Variants in ARHGEF28 observed in about 807,000 individuals in gnomAD.
ARHGEF28 encodes the protein 190 kDa guanine nucleotide exchange factor.
ARHGEF28 carries 152 observed loss-of-function variants against 206.6 expected under a neutral mutation model. The observed-to-expected ratio is 0.74, with a 90% CI of 0.64 to 0.84. The LOEUF (loss-of-function observed/expected upper bound fraction) is 0.84, where lower values mean the gene tolerates loss of function less well. Among genes scored for constraint, ARHGEF28 ranks in the 40% least tolerant of loss-of-function variants. ARHGEF28 has a pLI of 0.00. For synonymous variants in ARHGEF28, 763 were observed against 776.4 expected, an observed-to-expected ratio of 0.98 and a Z score of 0.29; for missense variants, 2,028 against 2,073.2, an observed-to-expected ratio of 0.98 and a Z score of 0.42.
chr5:73,744,744 A>G (rs901446108), intron 2 of ARHGEF28, among the ~76,000 whole-genome samples: 23 of 152,054 alleles, frequency 1.5e-4, no homozygotes, highest in African/African-American at 5.5e-4. Context: ...GCTGTGTATA[A>G]TACTAGAATC....
At chr5:73,690,190 G>A (rs186298817) in intron 2 of ARHGEF28, among the ~76,000 whole-genome samples, 117 of 152,268 alleles carry the variant, frequency 7.7e-4, no homozygotes, top group Non-Finnish European at 1.4e-3. Flanking sequence ...GACAGCTTAA[G>A]AGGAGAGATT....
intron 22 of ARHGEF28, among the ~76,000 whole-genome samples, chr5:73,880,876 G>C (rs1760877359): frequency 6.6e-6 from 1 of 152,024 alleles, no homozygotes; most frequent in South Asian, 2.1e-4. Context: ...AGGTTGCAGT[G>C]AGCCGAGATC....
At chr5:73,831,528 G>A (rs182980313) in intron 9 of ARHGEF28, among the ~76,000 whole-genome samples, 17 of 152,310 alleles carry the variant, frequency 1.1e-4, no homozygotes, top group African/African-American at 2.4e-4. Flanking sequence ...AAGCAGTACC[G>A]AGCCAGAACT....
At chr5:73,902,716 C>T (rs1336319136) in intron 31 of ARHGEF28, 1 of 152,140 alleles carries the variant, frequency 6.6e-6, no homozygotes. Flanking sequence ...GATAAATCGC[C>T]AACTGCAGTT....
intron 4 of ARHGEF28, among the ~76,000 whole-genome samples, chr5:73,760,367 T>A (rs138487056): frequency 6.6e-6 from 1 of 152,134 alleles, no homozygotes; most frequent in African/African-American, 2.4e-5. Context: ...AGGGGTTTTG[T>A]ATGTTTCTCT....
chr5:73,729,359 G>A (rs1478356194), intron 2 of ARHGEF28, among the ~76,000 whole-genome samples: 1 of 152,196 alleles, frequency 6.6e-6, no homozygotes, highest in Non-Finnish European at 1.5e-5. Context: ...GGATGACCAT[G>A]TATAGTGCTG....
intron 1 of ARHGEF28, among the ~76,000 whole-genome samples, chr5:73,631,459 C>G (rs978946252): frequency 2.0e-5 from 3 of 152,172 alleles, no homozygotes; most frequent in African/African-American, 7.2e-5. Context: ...GGGTTCTTTA[C>G]TTTGAGCCTC....
intron 22 of ARHGEF28, among the ~76,000 whole-genome samples, chr5:73,879,920 C>T (rs2048364597): frequency 6.6e-6 from 1 of 152,178 alleles, no homozygotes; most frequent in South Asian, 2.1e-4. Context: ...TCTCAGATCT[C>T]CAGCTGTGTG....
intron 2 of ARHGEF28, among the ~76,000 whole-genome samples, chr5:73,738,287 A>G (rs879082688): frequency 1.3e-5 from 2 of 152,170 alleles, no homozygotes; most frequent in African/African-American, 2.4e-5. Flanking sequence ...TAGCAGTGTG[A>G]TGGAACCTAG....
rs567317378 is a variant in ARHGEF28, at chr5:73,684,795, T to C, written c.-11-46T>C. 10 of 1,579,796 alleles carry C rather than the reference T, an allele frequency of 6.3e-6. No homozygotes were observed. In the Admixed American group the frequency reaches 8.6e-5, roughly 14 times the overall value. On this transcript the variant is annotated intron_variant, in intron 1 of 35. Coordinates refer to ENST00000513042, the MANE Select transcript of ARHGEF28 (RefSeq NM_001177693.2). ...TGGAGAGCTCTGCTGGTCGGTTCCA[T>C]GGGGCCTCCTGCAATAACTTCTCTT...
intron 1 of ARHGEF28, among the ~76,000 whole-genome samples, chr5:73,636,938 T>C (rs1022571986): frequency 7.2e-5 from 11 of 152,130 alleles, no homozygotes; most frequent in Non-Finnish European, 2.9e-5. Context: ...TCTAGATTGT[T>C]CAGGAAGTTG....
In ARHGEF28 at chr5:73,776,714, C is replaced by T; in HGVS notation, c.840+18C>T. 1 of 1,586,100 alleles carries T rather than the reference C, an allele frequency of 6.3e-7. No homozygotes were observed. The highest frequency in any genetic ancestry group is 2.2e-5 in the East Asian group (1 of 44,496). ...TTGTCAAGGTTTGTACATAGTGATT[C>T]TAGCATGTGATAATGCATGCTTCAG... On this transcript the variant is annotated intron_variant, in intron 6 of 35. Coordinates refer to ENST00000513042, the MANE Select transcript of ARHGEF28 (RefSeq NM_001177693.2).
chr5:73,910,401 A>AAAG (rs1762826572), intron 34 of ARHGEF28, among the ~76,000 whole-genome samples: 2 of 150,294 alleles, frequency 1.3e-5, no homozygotes, highest in Non-Finnish European at 3.0e-5. Flanking sequence ...AAAAAAAAAA[A>AAAG]AAAAAGGACA....
At chr5:73,719,992 A>G (rs943788051) in intron 2 of ARHGEF28, among the ~76,000 whole-genome samples, 9 of 152,268 alleles carry the variant, frequency 5.9e-5, no homozygotes, top group African/African-American at 2.2e-4. Flanking sequence ...GAAAAACTAT[A>G]GGCTGAAGAA....
chr5:73,891,467 T>C (rs185992303), intron 26 of ARHGEF28, among the ~76,000 whole-genome samples: 9 of 152,256 alleles, frequency 5.9e-5, no homozygotes, highest in Admixed American at 5.2e-4. Flanking sequence ...CTGCCTTGAC[T>C]ATGGCATTTT....
intron 4 of ARHGEF28, among the ~76,000 whole-genome samples, chr5:73,772,740 T>G (rs1354528750): frequency 6.6e-6 from 1 of 152,192 alleles, no homozygotes; most frequent in African/African-American, 2.4e-5. Flanking sequence ...GAAAGGAGCT[T>G]GATCAGGACT....
Position 73,663,042 on chromosome 5 carries a change from G to A in ARHGEF28, c.-11-21799G>A, listed in dbSNP as rs543231818. 7.2e-5 allele frequency among the ~76,000 whole-genome samples: 11 copies of A among 152,144 alleles called. No individual in the cohort carries two copies. The East Asian group carries it at 1.5e-3, about 21-fold the overall frequency. On this transcript the variant is annotated intron_variant, in intron 1 of 35. Transcript: ENST00000513042. ...CCAATCTCGGTTAACTGCAACCTCCGCCTCCCAGGTTCAAGCGATTACCCT... is the reference window on the plus strand; with the variant it reads ...CCAATCTCGGTTAACTGCAACCTCCACCTCCCAGGTTCAAGCGATTACCCT...
chr5:73,894,117 G>A (rs72772586), intron 28 of ARHGEF28, among the ~76,000 whole-genome samples: 13 of 152,120 alleles, frequency 8.5e-5, no homozygotes, highest in Non-Finnish European at 1.6e-4. Context: ...ACAAAGAATA[G>A]CTTTGCAAAT....
chr5:73,798,641 C>G (rs1754965201), intron 9 of ARHGEF28, among the ~76,000 whole-genome samples: 1 of 152,002 alleles, frequency 6.6e-6, no homozygotes, highest in Admixed American at 6.6e-5. Context: ...GAGTGGGACT[C>G]CTTCATATTC....
Sources: allele counts gnomAD v4.1 joint callset (sites outside exome capture counted in the v4.1 genomes callset), GRCh38; gene constraint gnomAD v4.1.1; transcripts MANE v1.5; gene names NCBI Gene and HGNC (gene_info 2026-07-23, HGNC 2026-07-21).